TRPM8: variants seen among roughly 807,000 people sequenced by gnomAD.
The protein encoded by TRPM8 is transient receptor potential cation channel subfamily M member 8.
TRPM8 carries 110 observed loss-of-function variants against 133.7 expected under a neutral mutation model. The observed-to-expected ratio is 0.82, with a 90% CI of 0.70 to 0.96. The LOEUF (loss-of-function observed/expected upper bound fraction) is 0.96, where lower values mean the gene tolerates loss of function less well. Ranked by LOEUF, TRPM8 falls within the 40% of genes least tolerant of loss-of-function variation. TRPM8 has a pLI of 0.00. For synonymous variants in TRPM8, 535 were observed against 532.3 expected, an observed-to-expected ratio of 1.01 and a Z score of -0.07; for missense variants, 1,291 against 1,379.5, an observed-to-expected ratio of 0.94 and a Z score of 1.02.
At chr2:233,965,922 C>T (rs1011512994) in intron 14 of TRPM8, 3 of 151,240 alleles carry the variant, frequency 2.0e-5, no homozygotes, top group African/African-American at 7.3e-5. Context: ...GATCTCAGCT[C>T]ACTGCAAGCT....
At chr2:233,934,625 T>C (rs1691753062) in intron 3 of TRPM8, among the ~76,000 whole-genome samples, 1 of 152,230 alleles carries the variant, frequency 6.6e-6, no homozygotes, top group Non-Finnish European at 1.5e-5. Flanking sequence ...CTCATGAGGA[T>C]TGCTGCTGAG....
intron 24 of TRPM8, among the ~76,000 whole-genome samples, chr2:234,009,828 TATC>T (rs1692790613): frequency 6.6e-6 from 1 of 152,216 alleles, no homozygotes; most frequent in African/African-American, 2.4e-5. Context: ...TTTATTGAGA[TATC>T]ATTGACATAT....
At chr2:233,942,414 A>T (rs1690932008) in intron 5 of TRPM8, among the ~76,000 whole-genome samples, 162 bp from the exon 6 acceptor site, 1 of 151,916 alleles carries the variant, frequency 6.6e-6, no homozygotes, top group African/African-American at 2.4e-5. Flanking sequence ...CTCTCAGGAG[A>T]ACTGTCTGAG....
intron 14 of TRPM8, 39 bp downstream of exon 14, chr2:233,964,796 C>A: frequency 6.4e-7 from 1 of 1,565,742 alleles, no homozygotes; most frequent in Non-Finnish European, 8.7e-7. Context: ...GGGCGCGGAT[C>A]TGCCATGTGG....
Position 233,955,395 on chromosome 2 carries a change from A to C in TRPM8, c.1362+145A>C, listed in dbSNP as rs28902169. 115 of 619,010 alleles carry C rather than the reference A, an allele frequency of 1.9e-4. No homozygotes were observed. In the African/African-American group the frequency reaches 2.0e-3, roughly 11 times the overall value. The allele number at this position is 619,010 out of a possible 1,614,324, so 38.3% of individuals were successfully genotyped here. A position where few individuals can be genotyped will look rare whatever the true frequency, so the allele number is the denominator to read the frequency against. ...CAGAATATCAGGATTGCTGAGGCTT[A>C]ATTTCCTTGTTTGCAGCATGGAATC... On this transcript the variant is annotated intron_variant, in intron 11 of 25. Coordinates refer to ENST00000324695, the MANE Select transcript of TRPM8 (RefSeq NM_024080.5).
chr2:233,937,490 C>T lies in TRPM8; in HGVS notation c.329C>T (p.Thr110Ile), dbSNP rs1426051709. The stretch of plus-strand genomic sequence containing the variant: ...GCCTTTGGGGATATTCAGTTTGAGA[C>T]ACTGGGGAAGAAAGGGAAGGTAAGC... ...TDAFGDIQFE[T>I]LGKKGKYIRL... is the part of the protein sequence containing the mutation. The change falls in exon 4 of 26, where the codon ACA becomes ATA. Residue 110 changes from threonine (T) to isoleucine (I), a missense_variant. Physicochemically the swap from Thr to Ile is moderately conservative, Grantham distance 89. This residue lies in a region of TRPM8 where 963 missense variants were observed against 968.9 expected (regional missense o/e 0.99). Coordinates refer to ENST00000324695, the MANE Select transcript of TRPM8 (RefSeq NM_024080.5). 1 of 1,613,436 alleles carries T rather than the reference C, an allele frequency of 6.2e-7. No individual in the cohort carries two copies. The highest frequency in any genetic ancestry group is 8.5e-7 in the Non-Finnish European group (1 of 1,179,784).
chr2:234,014,681 TTGCTC>T, intron 25 of TRPM8, 27 bp downstream of exon 25: 1 of 855,208 alleles, frequency 1.2e-6, no homozygotes, highest in Non-Finnish European at 1.8e-6. Flanking sequence ...GCTTTTTACT[TTGCTC>T]TGAAGATTTG....
Position 233,983,161 on chromosome 2 carries a change from T to C in TRPM8, c.2698T>C (p.Phe900Leu). The C allele has an allele frequency of 9.3e-6, 15 of 1,614,166 alleles. No homozygotes were observed. Among genetic ancestry groups the C allele is most frequent in the Non-Finnish European group, 1.3e-5 (15 of 1,180,028 alleles). ...RQNEQRWRWI[F>L]RSVIYEPYLA... ...GAATGAGCAGCGCTGGAGGTGGATATTCCGTTCGGTCATCTACGAGCCCTA... is the reference window on the plus strand; with the variant it reads ...GAATGAGCAGCGCTGGAGGTGGATACTCCGTTCGGTCATCTACGAGCCCTA... The change falls in exon 20 of 26, where the codon TTC becomes CTC. Residue 900 changes from phenylalanine to leucine, a missense_variant. Phe to Leu is a conservative substitution (Grantham distance 22). Coordinates refer to ENST00000324695, the MANE Select transcript of TRPM8 (RefSeq NM_024080.5).
rs199805260 is a variant in TRPM8, at chr2:233,970,196, A to T, written c.2139-14A>T. 246 of 1,613,502 alleles carry T rather than the reference A, an allele frequency of 1.5e-4. 1 individual carries two copies. The highest frequency in any genetic ancestry group is 5.7e-5 in the Non-Finnish European group (67 of 1,179,472). On this transcript the variant is annotated splice_polypyrimidine_tract_variant and intron_variant, in intron 16 of 25. Coordinates refer to ENST00000324695, the MANE Select transcript of TRPM8 (RefSeq NM_024080.5). ...TTGCAAGGATGCTGACGATGCCCTT[A>T]TCTCTGGGTCCAGGAAGAAACCTGT...
At chr2:233,972,916 A>G (rs1321205335) in intron 17 of TRPM8, among the ~76,000 whole-genome samples, 2 of 152,178 alleles carry the variant, frequency 1.3e-5, no homozygotes, top group Non-Finnish European at 2.9e-5. Flanking sequence ...AGGGGCTCCC[A>G]CAGTGCAGCG....
intron 3 of TRPM8, among the ~76,000 whole-genome samples, chr2:233,936,200 C>T (rs139424922): frequency 2.4e-4 from 36 of 152,208 alleles, no homozygotes; most frequent in African/African-American, 8.4e-4. Flanking sequence ...TCCTAAGAGA[C>T]CAACTTAAAG....
intron 9 of TRPM8, among the ~76,000 whole-genome samples, chr2:233,952,595 C>G (rs1453912930): frequency 6.6e-6 from 1 of 151,794 alleles, no homozygotes; most frequent in African/African-American, 2.4e-5. Context: ...GGGACCAGCC[C>G]AGGAGGCTCC....
chr2:233,942,846 C>T, intron 6 of TRPM8, 98 bp downstream of exon 6: 1 of 1,431,852 alleles, frequency 7.0e-7, no homozygotes, highest in Non-Finnish European at 9.8e-7. Context: ...ATGGAGCCAG[C>T]CAGATCATGG....
rs1690933764 is a variant in TRPM8 at position 233,942,482 on chromosome 2, C to T, written c.527-94C>T. ...TGCCAGTGCTGTGTCCTGATGCCTA[C>T]AGGGATGGGGCCTTTATTTTAGGGG... On this transcript the variant is annotated intron_variant, in intron 5 of 25. Transcript: ENST00000324695. 14 of 1,261,386 alleles carry T rather than the reference C, an allele frequency of 1.1e-5. No homozygotes were observed. In the Admixed American group the frequency reaches 1.2e-4, roughly 11 times the overall value. 78.1% of individuals were successfully genotyped at this position (1,261,386 alleles called of 1,614,324 possible).
intron 20 of TRPM8, among the ~76,000 whole-genome samples, chr2:233,984,325 G>A (rs552990042): frequency 1.4e-4 from 22 of 152,108 alleles, no homozygotes; most frequent in African/African-American, 5.1e-4. Context: ...CCAGACGTTT[G>A]TACCCACTGC....
Position 233,961,003 on chromosome 2 carries a change from C to T in TRPM8, c.1590C>T (p.Asn530=). 6.2e-7 allele frequency: 1 copy of T among 1,614,208 alleles called. No individual in the cohort carries two copies. Among genetic ancestry groups the T allele is most frequent in the Non-Finnish European group, 8.5e-7 (1 of 1,180,046 alleles). Residue 530 remains asparagine, a synonymous_variant, in exon 12 of 26, where the codon AAC becomes AAT. Transcript: ENST00000324695. The part of the protein sequence containing the change: ...LLTFVWKLVA[N]FRRGFRKEDR... ...CGTTTGTCTGGAAACTGGTTGCGAACTTCCGAAGAGGCTTCCGGAAGGAAG... is the reference window on the plus strand; with the variant it reads ...CGTTTGTCTGGAAACTGGTTGCGAATTTCCGAAGAGGCTTCCGGAAGGAAG...
At position 234,009,041 on chromosome 2, in the gene TRPM8, G is replaced by C. The variant is rs1472669760; in HGVS notation, c.3264+938G>C. 3.9e-5 allele frequency among the ~76,000 whole-genome samples: 6 copies of C among 152,224 alleles called. No individual in the cohort carries two copies. The East Asian group carries it at 1.2e-3, about 29-fold the overall frequency. On this transcript the variant is annotated intron_variant, in intron 24 of 25. Coordinates refer to ENST00000324695, the MANE Select transcript of TRPM8 (RefSeq NM_024080.5). Reference sequence around the variant, plus strand: ...CCAGAAGAGAGCCCAGTGGGAAGAAGTGGGGGAGTCTGGGTTATTCTGCCT... The same window carrying C: ...CCAGAAGAGAGCCCAGTGGGAAGAACTGGGGGAGTCTGGGTTATTCTGCCT...
chr2:233,958,835 C>A (rs1461869624), intron 11 of TRPM8, among the ~76,000 whole-genome samples: 1 of 152,086 alleles, frequency 6.6e-6, no homozygotes, highest in Non-Finnish European at 1.5e-5. Flanking sequence ...CTGCTGTGGG[C>A]AGAAGACATC....
chr2:233,999,430 C>T (rs936889492), intron 22 of TRPM8, among the ~76,000 whole-genome samples: 1 of 152,222 alleles, frequency 6.6e-6, no homozygotes, highest in East Asian at 1.9e-4. Flanking sequence ...AGTCACAGGC[C>T]CACCCAGACA....
Sources: gnomAD v4.1 joint callset for allele counts (sites outside exome capture counted in the v4.1 genomes callset) on GRCh38, gnomAD v4.1.1 for gene constraint, gnomAD v4.1.1 regional missense constraint, MANE v1.5 for transcripts, NCBI Gene and HGNC (gene_info 2026-07-23, HGNC 2026-07-21) for gene names.